Variants in RAPGEF4 observed in about 807,000 individuals in gnomAD.
RAPGEF4 encodes the protein Rap guanine nucleotide exchange factor 4, also known as RAP guanine-nucleotide-exchange factor (GEF) 4.
Under a neutral mutation model 147.9 loss-of-function variants are expected in RAPGEF4, and 66 were observed. The ratio of observed to expected loss-of-function variants is 0.45; its 90% CI spans 0.37 to 0.55. The LOEUF (loss-of-function observed/expected upper bound fraction) is 0.55, where lower values mean the gene tolerates loss of function less well. RAPGEF4 is among the 20% of genes least tolerant of loss of function. The probability of loss-of-function intolerance (pLI) is 0.00; values close to 1 mark genes in which losing one functional copy is unlikely to be tolerated. For missense variants in RAPGEF4, 1,071 were observed against 1,257.3 expected, an observed-to-expected ratio of 0.85 and a Z score of 2.24; for synonymous variants, 419 against 442.7, an observed-to-expected ratio of 0.95 and a Z score of 0.67.
chr2:172,909,442 A>G (rs1420205223), intron 4 of RAPGEF4, among the ~76,000 whole-genome samples: 1 of 152,208 alleles, frequency 6.6e-6, no homozygotes, highest in Non-Finnish European at 1.5e-5. Context: ...GCATATAGCA[A>G]TTTGAAAAAC....
At chr2:173,035,025 C>T (rs1683767150) in intron 27 of RAPGEF4, among the ~76,000 whole-genome samples, 1 of 151,738 alleles carries the variant, frequency 6.6e-6, no homozygotes, top group African/African-American at 2.4e-5. Context: ...CCTCCACCCC[C>T]ATGCAGTAGA....
chr2:172,997,464 G>A (rs1010523698), intron 16 of RAPGEF4, among the ~76,000 whole-genome samples: 15 of 152,206 alleles, frequency 9.9e-5, no homozygotes, highest in East Asian at 9.6e-4. Context: ...ATCTTTTTGG[G>A]GGGATACAAT....
At chr2:172,926,037 G>T (rs189548108) in intron 6 of RAPGEF4, among the ~76,000 whole-genome samples, 14 of 25,870 alleles carry the variant, frequency 5.4e-4, no homozygotes, top group Admixed American at 9.6e-4. Context: ...GAGGGACGGA[G>T]GGAGGGAGGG....
intron 6 of RAPGEF4, among the ~76,000 whole-genome samples, chr2:172,946,020 T>C (rs1687642047): frequency 6.6e-6 from 1 of 152,202 alleles, no homozygotes; most frequent in African/African-American, 2.4e-5. Context: ...GGGGAACTTT[T>C]GGCCTAAGTT....
At chr2:173,005,275 C>T (rs1330210079) in intron 17 of RAPGEF4, among the ~76,000 whole-genome samples, 2 of 152,092 alleles carry the variant, frequency 1.3e-5, no homozygotes, top group East Asian at 3.8e-4. Context: ...TCCCAAATTA[C>T]TCTCCTATTG....
intron 4 of RAPGEF4, among the ~76,000 whole-genome samples, chr2:172,815,973 T>C (rs1688463378): frequency 6.6e-6 from 1 of 152,176 alleles, no homozygotes; most frequent in African/African-American, 2.4e-5. Context: ...CATACTTGCT[T>C]CAGCTTTGTT....
intron 30 of RAPGEF4, 140 bp downstream of exon 30, chr2:173,048,794 G>C: frequency 6.9e-6 from 10 of 1,455,512 alleles, no homozygotes; most frequent in Non-Finnish European, 9.1e-6. Flanking sequence ...CCATGAGATA[G>C]GGGCCTTGAG....
chr2:172,871,219 T>C (rs557184938), intron 4 of RAPGEF4, among the ~76,000 whole-genome samples: 2 of 152,332 alleles, frequency 1.3e-5, no homozygotes, highest in South Asian at 4.1e-4. Context: ...TTCAGGTGAA[T>C]TCAGAATGGA....
At chr2:172,875,249 T>C (rs1367607237) in intron 4 of RAPGEF4, among the ~76,000 whole-genome samples, 2 of 152,226 alleles carry the variant, frequency 1.3e-5, no homozygotes, top group African/African-American at 4.8e-5. Context: ...CTCTTTAGTT[T>C]AATTAGATCC....
intron 24 of RAPGEF4, 65 bp from the exon 25 acceptor site, chr2:173,027,016 A>G: frequency 7.1e-7 from 1 of 1,405,606 alleles, no homozygotes; most frequent in Non-Finnish European, 9.6e-7. Flanking sequence ...CTTGACAAAT[A>G]GAGAAACCTG....
chr2:172,910,754 G>T (rs1700011552), intron 4 of RAPGEF4, among the ~76,000 whole-genome samples: 1 of 152,230 alleles, frequency 6.6e-6, no homozygotes, highest in African/African-American at 2.4e-5. Context: ...CTGCTGAGAG[G>T]CAGCACCCCA....
chr2:172,956,898 C>G (rs1688800579), intron 6 of RAPGEF4, among the ~76,000 whole-genome samples: 1 of 152,176 alleles, frequency 6.6e-6, no homozygotes, highest in African/African-American at 2.4e-5. Context: ...ACCTGATGAC[C>G]TAGAAGAGCT....
intron 4 of RAPGEF4, among the ~76,000 whole-genome samples, chr2:172,840,553 G>C (rs1691467602): frequency 6.6e-6 from 1 of 152,160 alleles, no homozygotes; most frequent in African/African-American, 2.4e-5. Context: ...GTTGGGGCGA[G>C]CTACTCAGTA....
chr2:173,004,393 T>A (rs1010235684), intron 17 of RAPGEF4, among the ~76,000 whole-genome samples: 3 of 152,180 alleles, frequency 2.0e-5, no homozygotes, highest in African/African-American at 7.2e-5. Flanking sequence ...GCATTTAAAA[T>A]TGAGTTCAAT....
chr2:172,741,457 G>A (rs568065838), intron 1 of RAPGEF4, among the ~76,000 whole-genome samples: 41 of 152,334 alleles, frequency 2.7e-4, no homozygotes, highest in East Asian at 1.4e-3. Flanking sequence ...GGGGAAGGGC[G>A]TGGGTGACAC....
chr2:172,779,834 A>G (rs113444749), intron 1 of RAPGEF4, among the ~76,000 whole-genome samples: 2,707 of 152,284 alleles, frequency 0.018, 99 homozygotes, highest in African/African-American at 0.062. Flanking sequence ...AGAAGTGACA[A>G]CATTCTGGAA....
chr2:172,765,564 T>C (rs565268417), intron 1 of RAPGEF4, among the ~76,000 whole-genome samples: 10 of 152,342 alleles, frequency 6.6e-5, no homozygotes, highest in Middle Eastern at 3.4e-3. Flanking sequence ...AACATGGTCC[T>C]GGGGATGCTG....
intron 23 of RAPGEF4, among the ~76,000 whole-genome samples, chr2:173,023,256 A>G (rs970533841): frequency 9.9e-5 from 15 of 151,910 alleles, no homozygotes; most frequent in African/African-American, 3.4e-4. Context: ...TAACAATGCT[A>G]CTCTCCCAAT....
intron 4 of RAPGEF4, among the ~76,000 whole-genome samples, chr2:172,904,756 C>T (rs1485060041): frequency 6.6e-6 from 1 of 151,922 alleles, no homozygotes. Context: ...TCCCTCTTTT[C>T]CCCATTTCCA....
Sources: gnomAD v4.1 joint callset for allele counts (sites outside exome capture counted in the v4.1 genomes callset) on GRCh38, gnomAD v4.1.1 for gene constraint, MANE v1.5 for transcripts, NCBI Gene and HGNC (gene_info 2026-07-23, HGNC 2026-07-21) for gene names.